The following NRIP3 variants were observed in gnomAD, a reference collection of about 807,000 sequenced individuals.
NRIP3 encodes the protein nuclear receptor interacting protein 3, also known as nuclear receptor-interacting protein 3.
In NRIP3, 31 loss-of-function variants were observed where a neutral mutation model predicts 29.0. The ratio of observed to expected loss-of-function variants is 1.07; its 90% CI spans 0.80 to 1.44. The LOEUF is 1.44. NRIP3 is among the 40% of genes most tolerant of loss of function. NRIP3 has a pLI of 0.00. For synonymous variants in NRIP3, 131 were observed against 118.3 expected (o/e 1.11, Z -0.70); for missense variants, 314 against 297.9 (o/e 1.05, Z -0.40).
At chr11:8,984,376 C>T (rs1854475968) in intron 4 of NRIP3, among the ~76,000 whole-genome samples, 1 of 152,048 alleles carries the variant, frequency 6.6e-6, no homozygotes, top group African/African-American at 2.4e-5. Context: ...AATTCTCCTG[C>T]CTCAGCCTCT....
At chr11:8,992,831 T>C (rs948948737) in intron 1 of NRIP3, among the ~76,000 whole-genome samples, 4 of 151,736 alleles carry the variant, frequency 2.6e-5, no homozygotes, top group African/African-American at 9.7e-5. Flanking sequence ...GGAGAATCAC[T>C]GGAACTCACC....
rs1176195620 is a variant in NRIP3, at chr11:8,982,062, A to G, written c.*1483T>C. On this transcript the variant is annotated 3_prime_UTR_variant, in exon 7 of 7. Transcript: ENST00000309166. ...ACACTCTGAGAACTACTGCTATGACACAGGGTAGACTTGGGAATATCTTAA... is the reference window on the plus strand; with the variant it reads ...ACACTCTGAGAACTACTGCTATGACGCAGGGTAGACTTGGGAATATCTTAA... 1 of 152,220 alleles carries G rather than the reference A, an allele frequency of 6.6e-6. No homozygotes were observed. The highest frequency in any genetic ancestry group is 1.5e-5 in the Non-Finnish European group (1 of 68,044). 9.4% of individuals were successfully genotyped at this position (152,220 alleles called of 1,614,324 possible). A position where few individuals can be genotyped will look rare whatever the true frequency, so the allele number is the denominator to read the frequency against.
chr11:9,003,777 G>A lies in NRIP3; in HGVS notation c.159C>T (p.Gly53=). The part of the protein sequence containing the change: ...LLPLDGLKKL[G]SSKDMQPHNI... The stretch of plus-strand genomic sequence containing the variant: ...GGGGGCTCACCATGTCCTTGGACGA[G>A]CCCAGCTTCTTGAGGCCGTCCAGGG... The change falls in exon 1 of 7, where the codon GGC becomes GGT. Residue 53 remains glycine, a synonymous_variant. Coordinates refer to ENST00000309166, the MANE Select transcript of NRIP3 (RefSeq NM_020645.3). 6.8e-7 allele frequency: 1 copy of A among 1,479,016 alleles called. No individual in the cohort carries two copies. Among genetic ancestry groups the A allele is most frequent in the Admixed American group, 2.4e-5 (1 of 42,492 alleles). 91.6% of individuals were successfully genotyped at this position (1,479,016 alleles called of 1,614,324 possible). A position where few individuals can be genotyped will look rare whatever the true frequency, so the allele number is the denominator to read the frequency against.
rs965639439 is a variant in NRIP3 at position 8,982,712 on chromosome 11, G to A, written c.*833C>T. 8.3e-6 allele frequency: 2 copies of A among 242,306 alleles called. No homozygotes were observed. Among genetic ancestry groups the A allele is most frequent in the Non-Finnish European group, 1.6e-5 (2 of 121,894 alleles). The allele number at this position is 242,306 out of a possible 1,614,324, so 15.0% of individuals were successfully genotyped here. On this transcript the variant is annotated 3_prime_UTR_variant, in exon 7 of 7. Transcript: ENST00000309166. ...CGCTCGTTTTTAGGCACCAAGATGA[G>A]GGCCTAAATGTGACAGTTTGGGGCA...
intron 1 of NRIP3, among the ~76,000 whole-genome samples, chr11:9,002,981 G>A (rs1854834822): frequency 6.6e-6 from 1 of 152,110 alleles, no homozygotes; most frequent in Non-Finnish European, 1.5e-5. Context: ...ATAGAAAGAG[G>A]ACAGTACCAT....
intron 1 of NRIP3, among the ~76,000 whole-genome samples, chr11:8,993,184 G>C (rs1440577977): frequency 6.6e-6 from 1 of 152,158 alleles, no homozygotes; most frequent in Non-Finnish European, 1.5e-5. Flanking sequence ...AGTCCAAAAT[G>C]AAATGAAAAG....
rs117684084 is a variant in NRIP3 at position 8,982,395 on chromosome 11, C to G, written c.*1150G>C. On this transcript the variant is annotated 3_prime_UTR_variant, in exon 7 of 7. Coordinates refer to ENST00000309166, the MANE Select transcript of NRIP3 (RefSeq NM_020645.3). ...CCCAGAAAGGTTTATCTAGATAGGC[C>G]TCTCCACCAACTGATTCTACTCAGT... 1.3e-5 allele frequency: 2 copies of G among 152,712 alleles called. No individual in the cohort carries two copies. Among genetic ancestry groups the G allele is most frequent in the African/African-American group, 2.4e-5 (1 of 41,428 alleles). 9.5% of individuals were successfully genotyped at this position (152,712 alleles called of 1,614,324 possible). A position where few individuals can be genotyped will look rare whatever the true frequency, so the allele number is the denominator to read the frequency against.
chr11:8,984,004 G>C, intron 5 of NRIP3, 35 bp from the exon 6 acceptor site: 1 of 1,604,034 alleles, frequency 6.2e-7, no homozygotes, highest in Non-Finnish European at 8.5e-7. Context: ...ATACCACTAT[G>C]AGTTCCTGTG....
chr11:8,984,614 A>C (rs1030771398), intron 4 of NRIP3, among the ~76,000 whole-genome samples: 2 of 152,158 alleles, frequency 1.3e-5, no homozygotes, highest in Admixed American at 6.5e-5. Context: ...TTACAAGGCA[A>C]TAGAGCCAAG....
At chr11:8,986,564 T>C (rs1183855648) in intron 3 of NRIP3, among the ~76,000 whole-genome samples, 1 of 152,242 alleles carries the variant, frequency 6.6e-6, no homozygotes, top group African/African-American at 2.4e-5. Flanking sequence ...CTATTTCCTC[T>C]CTTTTGGTGT....
At chr11:8,987,065 C>T (rs950532648) in intron 3 of NRIP3, among the ~76,000 whole-genome samples, 8 of 152,158 alleles carry the variant, frequency 5.3e-5, no homozygotes, top group African/African-American at 1.9e-4. Context: ...TATGATGGCC[C>T]AGGCCCAGTA....
intron 4 of NRIP3, among the ~76,000 whole-genome samples, chr11:8,985,286 T>C (rs796224494): frequency 1.1e-3 from 161 of 151,458 alleles, no homozygotes; most frequent in East Asian, 3.3e-3. Context: ...TCTCCTGCCT[T>C]AGCCTCCCGA....
At chr11:8,998,622 A>G (rs1854747420) in intron 1 of NRIP3, among the ~76,000 whole-genome samples, 1 of 152,088 alleles carries the variant, frequency 6.6e-6, no homozygotes, top group Non-Finnish European at 1.5e-5. Context: ...TAGAGAAATC[A>G]CTTCTTCCGC....
At chr11:8,992,968 A>G (rs1179297142) in intron 1 of NRIP3, among the ~76,000 whole-genome samples, 1 of 152,238 alleles carries the variant, frequency 6.6e-6, no homozygotes, top group Non-Finnish European at 1.5e-5. Flanking sequence ...ACTATCAATC[A>G]AGACTCAAGA....
chr11:8,993,817 A>C (rs1309240899), intron 1 of NRIP3, among the ~76,000 whole-genome samples: 1 of 151,646 alleles, frequency 6.6e-6, no homozygotes, highest in Non-Finnish European at 1.5e-5. Flanking sequence ...TCAAAAAAAA[A>C]AAAAAAAAAA....
chr11:8,984,428 A>G (rs1306260867), intron 4 of NRIP3, among the ~76,000 whole-genome samples: 1 of 151,996 alleles, frequency 6.6e-6, no homozygotes, highest in African/African-American at 2.4e-5. Flanking sequence ...ACGCTTGGCT[A>G]ATTTGTGTAT....
chr11:8,994,368 G>A (rs1177518765), intron 1 of NRIP3, among the ~76,000 whole-genome samples: 1 of 152,208 alleles, frequency 6.6e-6, no homozygotes, highest in African/African-American at 2.4e-5. Flanking sequence ...AGAGAATTTA[G>A]CTTTTATAAT....
intron 1 of NRIP3, among the ~76,000 whole-genome samples, chr11:8,998,784 AT>A (rs767253373): frequency 0.011 from 816 of 77,574 alleles, 1 homozygote; most frequent in South Asian, 0.047. Flanking sequence ...CAAACTCTTC[AT>A]TTTTTTTTTT....
rs797009381 is a variant in NRIP3, at chr11:8,997,379, G to A, written c.174+6383C>T. On this transcript the variant is annotated intron_variant, in intron 1 of 6. Coordinates refer to ENST00000309166, the MANE Select transcript of NRIP3 (RefSeq NM_020645.3). Reference sequence around the variant, plus strand: ...TCAAAAAAAAAAAAAAAAAAAAAAAGAAAGAAAAAAGGATACACAGTACTA... The same window carrying A: ...TCAAAAAAAAAAAAAAAAAAAAAAAAAAAGAAAAAAGGATACACAGTACTA... Among the ~76,000 whole-genome samples the A allele has an allele frequency of 7.8e-3, 927 of 119,182 alleles. 4 individuals are homozygous for A. Among genetic ancestry groups the A allele is most frequent in the African/African-American group, 0.019 (588 of 31,690 alleles). 78.2% of individuals were successfully genotyped at this position (119,182 alleles called of 152,430 possible).
Sources: gnomAD v4.1 joint callset for allele counts (sites outside exome capture counted in the v4.1 genomes callset) on GRCh38, gnomAD v4.1.1 for gene constraint, MANE v1.5 for transcripts, NCBI Gene and HGNC (gene_info 2026-07-23, HGNC 2026-07-21) for gene names.